The following DYNC1H1 variants were observed in gnomAD, a reference collection of about 807,000 sequenced individuals.
The protein encoded by DYNC1H1 is dynein cytoplasmic 1 heavy chain 1, also known as cytoplasmic dynein 1 heavy chain 1.
In DYNC1H1, 51 loss-of-function variants were observed where a neutral mutation model predicts 527.1. The observed-to-expected ratio is 0.10, with a 90% CI of 0.08 to 0.12. The LOEUF is 0.12. DYNC1H1 is among the 10% of genes least tolerant of loss of function. The probability of loss-of-function intolerance (pLI) is 1.00; values close to 1 mark genes in which losing one functional copy is unlikely to be tolerated. For synonymous variants in DYNC1H1, 2,189 were observed against 2,278.8 expected (o/e 0.96, Z 1.12); for missense variants, 2,771 against 5,971.8 (o/e 0.46, Z 17.66).
rs944899655 is a variant in DYNC1H1 at position 101,965,462 on chromosome 14, G to T, written c.256+515G>T. ...ACCCGCGGAGCTGGGGGCAGCCGGG[G>T]TTCTGGTTCGGGAGGAGGTCGGGCG... On this transcript the variant is annotated intron_variant, in intron 1 of 77. Coordinates refer to ENST00000360184, the MANE Select transcript of DYNC1H1 (RefSeq NM_001376.5). The surrounding 1 kb of genome is among the most constrained non-coding windows in gnomAD (Gnocchi z 4.1). Among the ~76,000 whole-genome samples the T allele has an allele frequency of 1.6e-4, 25 of 152,204 alleles. No homozygotes were observed. Among genetic ancestry groups the T allele is most frequent in the African/African-American group, 6.0e-4 (25 of 41,452 alleles).
Position 101,994,760 on chromosome 14 carries a change from C to T in DYNC1H1, c.3244C>T (p.Leu1082Phe). 1 of 1,614,210 alleles carries T rather than the reference C, an allele frequency of 6.2e-7. No individual in the cohort carries two copies. Among genetic ancestry groups the T allele is most frequent in the Non-Finnish European group, 8.5e-7 (1 of 1,180,044 alleles). Reference sequence around the variant, plus strand: ...AGAAGATCTCAACAAATGGCAGGCTCTCCTGGTCCAAATAAGGAAGGCCAG... The same window carrying T: ...AGAAGATCTCAACAAATGGCAGGCTTTCCTGGTCCAAATAAGGAAGGCCAG... ...LGEDLNKWQA[L>F]LVQIRKARGT... The change falls in exon 13 of 78, where the codon CTC becomes TTC. Residue 1082 changes from leucine to phenylalanine, a missense_variant. By Grantham distance (22) the Leu-to-Phe change is conservative. Around this residue, in one of 32 missense-constraint regions of DYNC1H1, gnomAD observed 179 missense variants for 349.4 expected, o/e 0.51. Coordinates refer to ENST00000360184, the MANE Select transcript of DYNC1H1 (RefSeq NM_001376.5).
chr14:101,994,446 T>A, intron 12 of DYNC1H1, 122 bp downstream of exon 12: 1 of 1,476,674 alleles, frequency 6.8e-7, no homozygotes, highest in East Asian at 2.3e-5. Context: ...CTAGATACTA[T>A]TTGCTGTTTC....
chr14:101,979,031 G>A lies in DYNC1H1; in HGVS notation c.345-288G>A, dbSNP rs527283336. 1.3e-3 allele frequency among the ~76,000 whole-genome samples: 193 copies of A among 152,318 alleles called. 1 individual carries two copies. Among genetic ancestry groups the A allele is most frequent in the Non-Finnish European group, 2.0e-3 (138 of 68,028 alleles). The stretch of plus-strand genomic sequence containing the variant: ...CAGTAAATAAATGTTACACATTAGT[G>A]TAAGATCAGATTTAAGTACTACTTA... On this transcript the variant is annotated intron_variant, in intron 2 of 77. Transcript: ENST00000360184. The surrounding 1 kb of genome is among the most constrained non-coding windows in gnomAD (Gnocchi z 4.6).
chr14:101,975,769 T>G lies in DYNC1H1; in HGVS notation c.314T>G (p.Ile105Arg). The G allele has an allele frequency of 4.3e-6, 7 of 1,613,598 alleles. No individual in the cohort carries two copies. The change falls in exon 2 of 78, where the codon ATA becomes AGA. Residue 105 changes from isoleucine (I) to arginine (R), a missense_variant. Physicochemically the swap from Ile to Arg is moderately conservative, Grantham distance 97. This residue lies in a region of DYNC1H1 where 146 missense variants were observed against 288.1 expected (regional missense o/e 0.51). Transcript: ENST00000360184. ...EKEFISYNIN[I>R]DIHYGVKSNS... ...GAATTCATTTCCTATAACATCAACATAGACATTCATTATGGGGTTAAATCC... is the reference window on the plus strand; with the variant it reads ...GAATTCATTTCCTATAACATCAACAGAGACATTCATTATGGGGTTAAATCC...
intron 5 of DYNC1H1, 25 bp from the exon 6 acceptor site, chr14:101,982,994 A>G (rs766840003): frequency 5.0e-6 from 8 of 1,605,404 alleles, no homozygotes; most frequent in East Asian, 2.2e-5. Flanking sequence ...TGTGAAAACC[A>G]TTAACTCTTT....
At position 102,038,180 on chromosome 14, in the gene DYNC1H1, T is replaced by C. The variant is rs2048599853; in HGVS notation, c.10909-280T>C. 6.7e-6 allele frequency: 3 copies of C among 445,412 alleles called. No individual in the cohort carries two copies. The highest frequency in any genetic ancestry group is 2.0e-5 in the South Asian group (1 of 49,652). 27.6% of individuals were successfully genotyped at this position (445,412 alleles called of 1,614,324 possible). A position where few individuals can be genotyped will look rare whatever the true frequency, so the allele number is the denominator to read the frequency against. On this transcript the variant is annotated intron_variant, in intron 57 of 77. Coordinates refer to ENST00000360184, the MANE Select transcript of DYNC1H1 (RefSeq NM_001376.5). This position sits in a 1 kb window ranked among gnomAD's most constrained non-coding sequence, Gnocchi z 7.2. The stretch of plus-strand genomic sequence containing the variant: ...TTTTAGTAGAGATGGAGTTTCACCA[T>C]GTTGGCCAGTCTGGTCTCGAACTCC...
rs531525773 is a variant in DYNC1H1, at chr14:101,965,977, C to G, written c.256+1030C>G. On this transcript the variant is annotated intron_variant, in intron 1 of 77. Transcript: ENST00000360184. This position sits in a 1 kb window ranked among gnomAD's most constrained non-coding sequence, Gnocchi z 4.1. The stretch of plus-strand genomic sequence containing the variant: ...GGCAGGCTTTCTCATGGATTCATTA[C>G]AACCACTTTGTAGCCCATTACAACC... 1.1e-4 allele frequency among the ~76,000 whole-genome samples: 17 copies of G among 152,266 alleles called. No individual in the cohort carries two copies. The South Asian group carries it at 3.3e-3, about 30-fold the overall frequency.
At chr14:101,992,562 C>G (rs552572400) in intron 11 of DYNC1H1, among the ~76,000 whole-genome samples, 5 of 152,278 alleles carry the variant, frequency 3.3e-5, no homozygotes, top group African/African-American at 1.2e-4. Flanking sequence ...AGAGCCCATC[C>G]CCTCACTCTC....
chr14:102,048,715 TG>T (rs1437295162), intron 74 of DYNC1H1, 46 bp downstream of exon 74: 1 of 1,597,666 alleles, frequency 6.3e-7, no homozygotes, highest in African/African-American at 1.4e-5. Flanking sequence ...GCGGGCACCT[TG>T]GCCAGGGGCC....
Position 102,038,199 on chromosome 14 carries a change from G to A in DYNC1H1, c.10909-261G>A, listed in dbSNP as rs534648715. 18 of 490,834 alleles carry A rather than the reference G, an allele frequency of 3.7e-5. No individual in the cohort carries two copies. The highest frequency in any genetic ancestry group is 3.5e-4 in the East Asian group (8 of 23,038). The allele number at this position is 490,834 out of a possible 1,614,324, so 30.4% of individuals were successfully genotyped here. On this transcript the variant is annotated intron_variant, in intron 57 of 77. Transcript: ENST00000360184. The surrounding 1 kb of genome is among the most constrained non-coding windows in gnomAD (Gnocchi z 7.2). ...TCACCATGTTGGCCAGTCTGGTCTCGAACTCCTGACCTCAAGTGATCTGCC... is the reference window on the plus strand; with the variant it reads ...TCACCATGTTGGCCAGTCTGGTCTCAAACTCCTGACCTCAAGTGATCTGCC...
At chr14:102,037,046 G>A (rs375934069) in intron 57 of DYNC1H1, 31 of 315,326 alleles carry the variant, frequency 9.8e-5, no homozygotes, top group African/African-American at 5.7e-4. Context: ...GCAGTGAGCC[G>A]AGATCATGCC....
rs191684965 is a variant in DYNC1H1, at chr14:101,968,377, G to A, written c.256+3430G>A. ...CCCAGTCATGGCTCATTGCCACCTCGGCCTCCTGGGCTCCCAGTTCATTTT... is the reference window on the plus strand; with the variant it reads ...CCCAGTCATGGCTCATTGCCACCTCAGCCTCCTGGGCTCCCAGTTCATTTT... On this transcript the variant is annotated intron_variant, in intron 1 of 77. Coordinates refer to ENST00000360184, the MANE Select transcript of DYNC1H1 (RefSeq NM_001376.5). Among the ~76,000 whole-genome samples, 8 of 151,716 alleles carry A rather than the reference G, an allele frequency of 5.3e-5. No homozygotes were observed. The South Asian group carries it at 6.3e-4, about 12-fold the overall frequency.
chr14:101,990,654 C>T (rs970672473), intron 10 of DYNC1H1, among the ~76,000 whole-genome samples: 3 of 152,132 alleles, frequency 2.0e-5, no homozygotes, highest in Admixed American at 6.5e-5. Context: ...GTGGGCAGAT[C>T]GCTTGAGCTC....
intron 77 of DYNC1H1, 72 bp downstream of exon 77, chr14:102,050,270 T>C (rs1452748224): frequency 6.2e-7 from 1 of 1,612,750 alleles, no homozygotes; most frequent in East Asian, 2.2e-5. Context: ...GCGGCTCCTC[T>C]TCTATGCCTG....
At position 102,016,907 on chromosome 14, in the gene DYNC1H1, G is replaced by T; in HGVS notation, c.7756G>T (p.Ala2586Ser). ...CGAAGCCCTCTTGTACACTTGGCTG[G>T]CCGAACACAAGCCCCTGGTCTTGTG... The part of the protein sequence containing the change: ...RHEALLYTWL[A>S]EHKPLVLCGP... Residue 2586 changes from alanine to serine, a missense_variant, in exon 38 of 78, where the codon GCC (alanine) becomes TCC (serine). By Grantham distance (99) the Ala-to-Ser change is moderately conservative. Transcript: ENST00000360184. This position sits in a 1 kb window ranked among gnomAD's most constrained non-coding sequence, Gnocchi z 7.3. The T allele has an allele frequency of 6.2e-7, 1 of 1,614,202 alleles. No individual in the cohort carries two copies. Among genetic ancestry groups the T allele is most frequent in the Non-Finnish European group, 8.5e-7 (1 of 1,180,038 alleles).
intron 23 of DYNC1H1, 106 bp downstream of exon 23, chr14:102,003,071 T>C (rs2048149941): frequency 2.0e-6 from 3 of 1,475,670 alleles, no homozygotes; most frequent in Admixed American, 3.6e-5. Context: ...AGTTTTGACA[T>C]CAAGGATTTT....
chr14:101,988,393 A>G (rs111867748), intron 9 of DYNC1H1, among the ~76,000 whole-genome samples: 1 of 152,178 alleles, frequency 6.6e-6, no homozygotes, highest in South Asian at 2.1e-4. Flanking sequence ...TTACCAATCC[A>G]CGCCTTTTCC....
rs1595599508 is a variant in DYNC1H1 at position 101,983,734 on chromosome 14, A to G, written c.1461+125A>G. The G allele has an allele frequency of 1.8e-6, 2 of 1,132,860 alleles. No homozygotes were observed. Among genetic ancestry groups the G allele is most frequent in the Non-Finnish European group, 2.5e-6 (2 of 785,966 alleles). The allele number at this position is 1,132,860 out of a possible 1,614,324, so 70.2% of individuals were successfully genotyped here. On this transcript the variant is annotated intron_variant, in intron 7 of 77. Coordinates refer to ENST00000360184, the MANE Select transcript of DYNC1H1 (RefSeq NM_001376.5). This position sits in a 1 kb window ranked among gnomAD's most constrained non-coding sequence, Gnocchi z 5.3. ...CTCTTGTTGCCCAGGCTGGAGTGCA[A>G]TGGCATGATCTTGGCTCACTGCAAC... is the stretch of plus-strand genomic sequence containing the variant.
Position 102,044,076 on chromosome 14 carries a change from G to T in DYNC1H1, c.12684+31G>T. On this transcript the variant is annotated intron_variant, in intron 70 of 77. Coordinates refer to ENST00000360184, the MANE Select transcript of DYNC1H1 (RefSeq NM_001376.5). The surrounding 1 kb of genome is among the most constrained non-coding windows in gnomAD (Gnocchi z 7.1). ...TGTGGGCCATGCCAGGACAGACAGTGGACGTGTATCTGGGAAGGATGCTGC... is the reference window on the plus strand; with the variant it reads ...TGTGGGCCATGCCAGGACAGACAGTTGACGTGTATCTGGGAAGGATGCTGC... 1 of 1,611,808 alleles carries T rather than the reference G, an allele frequency of 6.2e-7. No homozygotes were observed. Among genetic ancestry groups the T allele is most frequent in the Non-Finnish European group, 8.5e-7 (1 of 1,179,886 alleles).
Sources: allele counts gnomAD v4.1 joint callset (sites outside exome capture counted in the v4.1 genomes callset), GRCh38; gene constraint gnomAD v4.1.1; regional missense constraint gnomAD v4.1.1; non-coding constraint Gnocchi (gnomAD v3.1); transcripts MANE v1.5; gene names NCBI Gene and HGNC (gene_info 2026-07-23, HGNC 2026-07-21).